The following PTPRE variants were observed in gnomAD, a reference collection of about 807,000 sequenced individuals.
PTPRE encodes the protein receptor-type tyrosine-protein phosphatase epsilon.
In PTPRE, 51 loss-of-function variants were observed where a neutral mutation model predicts 102.0. That is an observed-to-expected ratio of 0.50 (90% CI 0.40 to 0.63). The LOEUF (loss-of-function observed/expected upper bound fraction) is 0.63, where lower values mean the gene tolerates loss of function less well. PTPRE is among the 30% of genes least tolerant of loss of function. The probability of loss-of-function intolerance (pLI) is 0.00; values close to 1 mark genes in which losing one functional copy is unlikely to be tolerated. For missense variants in PTPRE, 752 were observed against 915.1 expected, an observed-to-expected ratio of 0.82 and a Z score of 2.30; for synonymous variants, 345 against 348.2, an observed-to-expected ratio of 0.99 and a Z score of 0.10.
intron 2 of PTPRE, among the ~76,000 whole-genome samples, chr10:127,984,194 G>T (rs1295449415): frequency 6.7e-6 from 1 of 150,234 alleles, no homozygotes; most frequent in East Asian, 2.0e-4. Flanking sequence ...CGATTCTCCT[G>T]CCTCAGCCTC....
At position 128,073,113 on chromosome 10, in the gene PTPRE, A is replaced by T. The variant is rs35247017; in HGVS notation, c.1465-224A>T. ...AGTTCATAATACCCATTTGTTGATG[A>T]CCTCAGGGGCTGACGGTGGCCGTTA... is the stretch of plus-strand genomic sequence containing the variant. On this transcript the variant is annotated intron_variant, in intron 16 of 20. Coordinates refer to ENST00000254667, the MANE Select transcript of PTPRE (RefSeq NM_006504.6). 0.14 allele frequency among the ~76,000 whole-genome samples: 20,908 copies of T among 152,166 alleles called. 1,586 individuals carry two copies. The highest frequency in any genetic ancestry group is 0.26 in the East Asian group (1,348 of 5,160).
chr10:128,006,655 G>A (rs907166251), intron 2 of PTPRE, among the ~76,000 whole-genome samples: 2 of 152,116 alleles, frequency 1.3e-5, no homozygotes, highest in Non-Finnish European at 2.9e-5. Context: ...GTCTTTGTTT[G>A]CCTGACTCTG....
At chr10:128,056,581 C>A (rs1287153589) in intron 7 of PTPRE, among the ~76,000 whole-genome samples, 2 of 152,252 alleles carry the variant, frequency 1.3e-5, no homozygotes, top group African/African-American at 4.8e-5. Context: ...CCCTGGGCAG[C>A]TCCCTTCCCT....
intron 1 of PTPRE, among the ~76,000 whole-genome samples, chr10:127,924,995 C>T (rs760520799): frequency 2.4e-4 from 36 of 152,196 alleles, no homozygotes; most frequent in Admixed American, 3.3e-4. Flanking sequence ...ATGAACTATG[C>T]TAACTCAATC....
rs550298484 is a variant in PTPRE, at chr10:128,071,753, TC to T, written c.1388-381del. The T allele has an allele frequency of 2.9e-3, 556 of 189,400 alleles. 3 individuals are homozygous for T. Among genetic ancestry groups the T allele is most frequent in the African/African-American group, 0.013 (535 of 41,996 alleles). The allele number at this position is 189,400 out of a possible 1,614,324, so 11.7% of individuals were successfully genotyped here. On this transcript the variant is annotated intron_variant, in intron 15 of 20. Transcript: ENST00000254667. ...CCCGAGCACTGCAGGCGAGTAGAGC[TC>T]CCCGGGGTGCTGCCATCTTCAGACT...
At chr10:128,032,274 C>G (rs757978722) in intron 2 of PTPRE, among the ~76,000 whole-genome samples, 1 of 152,150 alleles carries the variant, frequency 6.6e-6, no homozygotes, top group Non-Finnish European at 1.5e-5. Context: ...CCTTGGCCTC[C>G]CAAAGTGCTA....
At chr10:127,975,940 T>A (rs1851132689) in intron 1 of PTPRE, among the ~76,000 whole-genome samples, 1 of 151,980 alleles carries the variant, frequency 6.6e-6, no homozygotes, top group South Asian at 2.1e-4. Flanking sequence ...GCAAAGTGGG[T>A]CTAATAACAA....
rs193035380 is a variant in PTPRE, at chr10:128,011,566, G to A, written c.-8+29270G>A. Among the ~76,000 whole-genome samples, 40 of 152,352 alleles carry A rather than the reference G, an allele frequency of 2.6e-4. 2 individuals carry two copies. Among genetic ancestry groups the A allele is most frequent in the Admixed American group, 2.5e-3 (39 of 15,310 alleles). On this transcript the variant is annotated intron_variant, in intron 2 of 20. Transcript: ENST00000254667. ...CGGGCTTCAAGCTTGGCGCATGCGC[G>A]GAAGCGTCCCCGTAGCCCGACCCCA... is the stretch of plus-strand genomic sequence containing the variant.
rs886898583 is a variant in PTPRE, at chr10:127,926,660, C to T, written c.-31+19351C>T. ...GGTCTAGCGACGGGCTCTGTGTGTC[C>T]GAAGTAGTCATGGTGGCCACAGGAA... On this transcript the variant is annotated intron_variant, in intron 1 of 20. Transcript: ENST00000254667. Among the ~76,000 whole-genome samples, 7 of 151,942 alleles carry T rather than the reference C, an allele frequency of 4.6e-5. No individual in the cohort carries two copies. The South Asian group carries it at 1.3e-3, about 27-fold the overall frequency.
chr10:128,076,463 T>C (rs1467868219), intron 17 of PTPRE, 140 bp from the exon 18 acceptor site: 3 of 811,748 alleles, frequency 3.7e-6, no homozygotes, highest in Non-Finnish European at 5.4e-6. Flanking sequence ...AACAGGCATT[T>C]ATATTCATAT....
intron 1 of PTPRE, among the ~76,000 whole-genome samples, chr10:127,948,054 C>T (rs1211366879): frequency 1.3e-5 from 2 of 152,074 alleles, no homozygotes; most frequent in Non-Finnish European, 2.9e-5. Context: ...TGGGTTTTCT[C>T]CTAGGAGGGG....
intron 2 of PTPRE, among the ~76,000 whole-genome samples, chr10:128,017,435 G>T (rs1248154289): frequency 1.3e-5 from 2 of 152,112 alleles, no homozygotes; most frequent in African/African-American, 2.4e-5. Flanking sequence ...GACAGGGTGA[G>T]AATTTTTTTT....
In PTPRE at chr10:128,077,716, G is replaced by C; in HGVS notation, c.1825G>C (p.Asp609His). The change falls in exon 19 of 21, where the codon GAC (aspartate) becomes CAC (histidine). Residue 609 changes from aspartate (D) to histidine (H), a missense_variant. Coordinates refer to ENST00000254667, the MANE Select transcript of PTPRE (RefSeq NM_006504.6). ...GIPAEGKGMI[D>H]LIAAVQKQQQ... is the part of the protein sequence containing the mutation. Reference sequence around the variant, plus strand: ...TCCCGCCGAGGGCAAAGGCATGATTGACCTCATCGCAGCCGTGCAGAAGCA... The same window carrying C: ...TCCCGCCGAGGGCAAAGGCATGATTCACCTCATCGCAGCCGTGCAGAAGCA... 6.2e-7 allele frequency: 1 copy of C among 1,613,642 alleles called. No homozygotes were observed.
rs752363170 is a variant in PTPRE at position 128,070,943 on chromosome 10, G to A, written c.1387+42G>A. 1 of 1,570,294 alleles carries A rather than the reference G, an allele frequency of 6.4e-7. No homozygotes were observed. The highest frequency in any genetic ancestry group is 1.1e-5 in the South Asian group (1 of 89,888). ...GTGGCTTGGGCAGGGCTGGGGCGGG[G>A]CTGGTGCCGGAGGCTTTCATCCTGG... On this transcript the variant is annotated intron_variant, in intron 15 of 20. Transcript: ENST00000254667. This position sits in a 1 kb window ranked among gnomAD's most constrained non-coding sequence, Gnocchi z 4.8.
intron 2 of PTPRE, among the ~76,000 whole-genome samples, chr10:128,039,486 G>C (rs1303893424): frequency 6.6e-6 from 1 of 152,218 alleles, no homozygotes; most frequent in Non-Finnish European, 1.5e-5. Flanking sequence ...ATAAAAAAAA[G>C]AGGGAAGAAG....
chr10:128,067,972 C>T, intron 11 of PTPRE, 151 bp from the exon 12 acceptor site: 1 of 840,052 alleles, frequency 1.2e-6, no homozygotes, highest in South Asian at 1.7e-5. Context: ...AAGGTCCAGG[C>T]TGTCTGGCTC....
At chr10:128,079,957 C>T (rs576867659) in intron 20 of PTPRE, among the ~76,000 whole-genome samples, 33 of 152,134 alleles carry the variant, frequency 2.2e-4, no homozygotes, top group Non-Finnish European at 3.4e-4. Context: ...CTCGGAGAGA[C>T]GCACTGAGGA....
intron 2 of PTPRE, among the ~76,000 whole-genome samples, chr10:128,022,587 A>G (rs1304212505): frequency 6.6e-6 from 1 of 151,980 alleles, no homozygotes; most frequent in East Asian, 1.9e-4. Context: ...GCTGCTCTGG[A>G]CTCTGCCCTG....
intron 2 of PTPRE, among the ~76,000 whole-genome samples, chr10:128,011,428 G>T (rs1210912267): frequency 6.6e-6 from 1 of 152,208 alleles, no homozygotes; most frequent in African/African-American, 2.4e-5. Flanking sequence ...CCCGGAGGAG[G>T]CGCGGGTTAG....
Sources: allele counts gnomAD v4.1 joint callset (sites outside exome capture counted in the v4.1 genomes callset), GRCh38; gene constraint gnomAD v4.1.1; non-coding constraint Gnocchi (gnomAD v3.1); transcripts MANE v1.5; gene names NCBI Gene and HGNC (gene_info 2026-07-23, HGNC 2026-07-21).